ANXA8: variants seen among roughly 807,000 people sequenced by gnomAD.
ANXA8 encodes VAC-beta.
In ANXA8, 9 loss-of-function variants were observed where a neutral mutation model predicts 26.8. The ratio of observed to expected loss-of-function variants is 0.34; its 90% CI spans 0.20 to 0.59. The LOEUF is 0.59. ANXA8 is among the 20% of genes least tolerant of loss of function. ANXA8 has a pLI of 0.84. For missense variants in ANXA8, 83 were observed against 238.5 expected, an observed-to-expected ratio of 0.35 and a Z score of 4.29; for synonymous variants, 39 against 94.8, an observed-to-expected ratio of 0.41 and a Z score of 3.42.
chr10:47,515,952 T>A, the ANXA8 span, among the ~76,000 whole-genome samples: 2 of 120,226 alleles, frequency 1.7e-5, no homozygotes, highest in Non-Finnish European at 3.4e-5. Context: ...ATCAAAACAA[T>A]AGAAAAAAGG....
At chr10:47,657,547 A>T in the ANXA8 span, among the ~76,000 whole-genome samples, 1 of 151,704 alleles carries the variant, frequency 6.6e-6, no homozygotes, top group Non-Finnish European at 1.5e-5. Context: ...TCCTCTAAAA[A>T]GATGAGGATA....
the ANXA8 span, among the ~76,000 whole-genome samples, chr10:47,699,344 CAAAAAAA>C: frequency 3.7e-5 from 2 of 54,210 alleles, no homozygotes; most frequent in Middle Eastern, 0.013. Flanking sequence ...ATTCTGTCTC[CAAAAAAA>C]AAAAAAAAAA....
chr10:47,659,327 A>G, the ANXA8 span, among the ~76,000 whole-genome samples: 3 of 151,932 alleles, frequency 2.0e-5, 1 homozygote, highest in East Asian at 5.8e-4. Context: ...GCTGTATTCA[A>G]GAGAGAATAT....
the ANXA8 span, among the ~76,000 whole-genome samples, chr10:47,743,317 T>TATATATATACATATATATATAA: frequency 2.4e-5 from 1 of 40,892 alleles, no homozygotes; most frequent in Non-Finnish European, 4.7e-5. Flanking sequence ...TATATACACA[T>TATATATATACATATATATATAA]ATATATATAT....
At chr10:47,741,799 A>G in the ANXA8 span, among the ~76,000 whole-genome samples, 1 of 151,558 alleles carries the variant, frequency 6.6e-6, no homozygotes, top group Non-Finnish European at 1.5e-5. Context: ...TATGTGAATT[A>G]TATCTCAATA....
chr10:47,529,153 C>A, the ANXA8 span, among the ~76,000 whole-genome samples: 1 of 143,672 alleles, frequency 7.0e-6, no homozygotes, highest in Non-Finnish European at 1.5e-5. Context: ...CAGCTTAAAG[C>A]AAGAATAATC....
chr10:47,779,042 G>A, the ANXA8 span, among the ~76,000 whole-genome samples: 1 of 150,610 alleles, frequency 6.6e-6, no homozygotes, highest in Admixed American at 6.6e-5. Flanking sequence ...AATCTTTCAA[G>A]ATATAAGAAT....
At chr10:47,743,327 T>TATATATATACAC in the ANXA8 span, among the ~76,000 whole-genome samples, 7 of 40,334 alleles carry the variant, frequency 1.7e-4, no homozygotes, top group Non-Finnish European at 3.9e-4. Context: ...TATATATATA[T>TATATATATACAC]ACATATATAT....
the ANXA8 span, among the ~76,000 whole-genome samples, chr10:47,952,335 A>T: frequency 6.6e-6 from 1 of 151,276 alleles, no homozygotes; most frequent in Non-Finnish European, 1.5e-5. Context: ...AACTGAATCC[A>T]TTCATAGAAG....
chr10:47,565,586 A>G, the ANXA8 span: 1 of 292,658 alleles, frequency 3.4e-6, no homozygotes, highest in Non-Finnish European at 6.2e-6. Context: ...CGCCGCGCCC[A>G]GGCACGCCCA....
the ANXA8 span, among the ~76,000 whole-genome samples, chr10:47,685,346 CAAAAAAA>C: frequency 2.4e-3 from 199 of 82,996 alleles, 2 homozygotes; most frequent in African/African-American, 7.7e-3. Context: ...GAATCTGTCT[CAAAAAAA>C]AAAAAAAAGA....
the ANXA8 span, among the ~76,000 whole-genome samples, chr10:47,509,908 T>A: frequency 7.1e-6 from 1 of 140,002 alleles, no homozygotes; most frequent in African/African-American, 2.6e-5. Context: ...GAACCTATCC[T>A]TCTCACTGTG....
At chr10:47,981,055 A>G in the ANXA8 span, among the ~76,000 whole-genome samples, 108,828 of 150,484 alleles carry the variant, frequency 0.72, 39,582 homozygotes, top group South Asian at 0.78. Flanking sequence ...AATTATCAAC[A>G]AAATACTAGC....
At chr10:47,942,466 G>C in the ANXA8 span, among the ~76,000 whole-genome samples, 1 of 141,288 alleles carries the variant, frequency 7.1e-6, no homozygotes, top group Non-Finnish European at 1.5e-5. Context: ...ATGGCATTCT[G>C]TCTGGTGACA....
chr10:47,659,092 C>T, the ANXA8 span, among the ~76,000 whole-genome samples: 5 of 151,944 alleles, frequency 3.3e-5, no homozygotes, highest in African/African-American at 4.8e-5. Context: ...AGGATGGTCT[C>T]GATCTCCTGA....
the ANXA8 span, among the ~76,000 whole-genome samples, chr10:47,505,478 T>C: frequency 2.7e-4 from 37 of 139,190 alleles, 2 homozygotes; most frequent in African/African-American, 9.6e-4. Flanking sequence ...AAGTGGAAAG[T>C]TAATGAGAAG....
chr10:47,489,178 C>T, the ANXA8 span, among the ~76,000 whole-genome samples: 5 of 146,054 alleles, frequency 3.4e-5, no homozygotes, highest in African/African-American at 1.0e-4. Context: ...CCACCATGCC[C>T]GGCTAATTTT....
the ANXA8 span, among the ~76,000 whole-genome samples, chr10:47,692,968 CA>C: frequency 1.1e-4 from 17 of 151,656 alleles, 1 homozygote; most frequent in East Asian, 3.3e-3. Flanking sequence ...CTCCTGTCCT[CA>C]GGTGATCCGC....
the ANXA8 span, among the ~76,000 whole-genome samples, chr10:47,503,811 G>A: frequency 2.4e-5 from 3 of 127,232 alleles, no homozygotes; most frequent in Non-Finnish European, 4.8e-5. Flanking sequence ...GCACATGCCT[G>A]TAATTCCAGT....
Sources: gnomAD v4.1 joint callset for allele counts (sites outside exome capture counted in the v4.1 genomes callset) on GRCh38, gnomAD v4.1.1 for gene constraint, MANE v1.5 for transcripts, NCBI Gene and HGNC (gene_info 2026-07-23, HGNC 2026-07-21) for gene names.